Variants in PRDM11 observed in about 807,000 individuals in gnomAD.
PRDM11 encodes the protein PR/SET domain 11.
PRDM11 carries 20 observed loss-of-function variants against 97.8 expected under a neutral mutation model. The observed-to-expected ratio is 0.20, with a 90% confidence interval of 0.14 to 0.30. The LOEUF (loss-of-function observed/expected upper bound fraction) is 0.30. PRDM11 is among the 10% of genes least tolerant of loss of function. The probability of loss-of-function intolerance (pLI) is 1.00; values close to 1 mark genes in which losing one functional copy is unlikely to be tolerated. For synonymous variants in PRDM11, 599 were observed against 637.7 expected (o/e 0.94, Z 0.91); for missense variants, 1,139 against 1,555.2 (o/e 0.73, Z 4.50).
intron 1 of PRDM11, among the ~76,000 whole-genome samples, chr11:45,123,620 G>T (rs914505191): frequency 6.6e-6 from 1 of 151,918 alleles, no homozygotes; most frequent in Non-Finnish European, 1.5e-5. Flanking sequence ...CCCATTGCTT[G>T]TTTTTGTCAG....
intron 1 of PRDM11, among the ~76,000 whole-genome samples, chr11:45,115,818 T>C (rs1452425192): frequency 6.6e-6 from 1 of 151,350 alleles, no homozygotes; most frequent in Admixed American, 6.6e-5. Flanking sequence ...TAATTCCAGC[T>C]ACTTGGGAGG....
chr11:45,119,640 AAAAAAAAAAC>A (rs1022173058), intron 1 of PRDM11, among the ~76,000 whole-genome samples: 3 of 146,822 alleles, frequency 2.0e-5, no homozygotes, highest in African/African-American at 7.5e-5. Context: ...AAAAAAAAAA[AAAAAAAAAAC>A]ACCTGGTAAG....
At chr11:45,213,150 A>G (rs778544095) in intron 5 of PRDM11, 1 of 456,666 alleles carries the variant, frequency 2.2e-6, no homozygotes, top group South Asian at 1.5e-5. Flanking sequence ...CCCTTGTAGG[A>G]CACTGGGGGC....
intron 1 of PRDM11, among the ~76,000 whole-genome samples, chr11:45,170,382 G>C (rs1590401907): frequency 6.6e-6 from 1 of 152,080 alleles, no homozygotes; most frequent in East Asian, 1.9e-4. Context: ...AGGAGTGGTA[G>C]CAAGCATCAG....
At chr11:45,173,491 G>A (rs1035124375) in intron 1 of PRDM11, among the ~76,000 whole-genome samples, 5 of 151,872 alleles carry the variant, frequency 3.3e-5, no homozygotes, top group Non-Finnish European at 5.9e-5. Context: ...GCGTGGTGGC[G>A]CACGGCTGTA....
chr11:45,122,234 CACAG>C (rs1273338477), intron 1 of PRDM11, among the ~76,000 whole-genome samples: 1 of 139,258 alleles, frequency 7.2e-6, no homozygotes, highest in Non-Finnish European at 1.6e-5. Context: ...CACACACACA[CACAG>C]AGAGAAACAG....
rs532976446 is a variant in PRDM11 at position 45,176,028 on chromosome 11, A to G, written c.-6-5733A>G. 2.0e-5 allele frequency among the ~76,000 whole-genome samples: 3 copies of G among 152,110 alleles called. No individual in the cohort carries two copies. In the East Asian group the frequency reaches 5.8e-4, roughly 29 times the overall value. ...ATTGAGGTAAGCATCTTCAGAGCAT[A>G]TATTTATAAAAAGTATTTATTAGGG... is the stretch of plus-strand genomic sequence containing the variant. On this transcript the variant is annotated intron_variant, in intron 1 of 7. Transcript: ENST00000683152.
At chr11:45,153,571 G>A (rs896060246) in intron 1 of PRDM11, among the ~76,000 whole-genome samples, 1 of 152,248 alleles carries the variant, frequency 6.6e-6, no homozygotes, top group Non-Finnish European at 1.5e-5. Context: ...CCTCTTGCTG[G>A]CGATGGGACA....
intron 1 of PRDM11, among the ~76,000 whole-genome samples, chr11:45,170,320 G>A (rs940264095): frequency 1.3e-5 from 2 of 151,834 alleles, no homozygotes; most frequent in African/African-American, 2.4e-5. Flanking sequence ...TCCAGCCTGG[G>A]TGACAGAACA....
intron 6 of PRDM11, among the ~76,000 whole-genome samples, chr11:45,223,443 T>A (rs1854174214): frequency 1.3e-5 from 2 of 152,206 alleles, no homozygotes; most frequent in Admixed American, 1.3e-4. Context: ...CAAGGAAACG[T>A]CCTTTGAATT....
At chr11:45,138,161 C>G (rs1852913419) in intron 1 of PRDM11, among the ~76,000 whole-genome samples, 1 of 152,118 alleles carries the variant, frequency 6.6e-6, no homozygotes, top group African/African-American at 2.4e-5. Context: ...AAGCCACTGC[C>G]TGAAAGGGAG....
chr11:45,217,812 G>A lies in PRDM11; in HGVS notation c.555-1758G>A, dbSNP rs375282148. Among the ~76,000 whole-genome samples, 17 of 152,310 alleles carry A rather than the reference G, an allele frequency of 1.1e-4. No homozygotes were observed. In the East Asian group the frequency reaches 2.5e-3, roughly 22 times the overall value. Reference sequence around the variant, plus strand: ...TCACCTCATACTGGAATTGGCATTCGTATATTTCTTTTCTTTATATGTGTG... The same window carrying A: ...TCACCTCATACTGGAATTGGCATTCATATATTTCTTTTCTTTATATGTGTG... On this transcript the variant is annotated intron_variant, in intron 5 of 7. Coordinates refer to ENST00000683152, the MANE Select transcript of PRDM11 (RefSeq NM_001384648.1).
intron 6 of PRDM11, among the ~76,000 whole-genome samples, chr11:45,222,487 C>A (rs1483915275): frequency 6.6e-6 from 1 of 152,180 alleles, no homozygotes; most frequent in Non-Finnish European, 1.5e-5. Context: ...GTAAGACATA[C>A]AGGTGGCATT....
Position 45,182,894 on chromosome 11 carries a change from A to G in PRDM11, c.257A>G (p.Glu86Gly). The part of the protein sequence containing the change: ...CESCQEYFVD[E>G]CPNHGPPVFV... ...TCCTGCCAGGAGTACTTCGTGGATGAATGCCCAAACCATGGCCCCCCGGTG... is the reference window on the plus strand; with the variant it reads ...TCCTGCCAGGAGTACTTCGTGGATGGATGCCCAAACCATGGCCCCCCGGTG... The change falls in exon 4 of 8, where the codon GAA becomes GGA. Residue 86 changes from glutamate (E) to glycine (G), a missense_variant. Physicochemically the swap from Glu to Gly is moderately conservative, Grantham distance 98 (BLOSUM62 -2). Around this residue, in one of 2 missense-constraint regions of PRDM11, gnomAD observed 429 missense variants for 510.3 expected, o/e 0.84. Coordinates refer to ENST00000683152, the MANE Select transcript of PRDM11 (RefSeq NM_001384648.1). The G allele has an allele frequency of 6.2e-7, 1 of 1,607,588 alleles. No individual in the cohort carries two copies. The highest frequency in any genetic ancestry group is 1.7e-4 in the Middle Eastern group (1 of 6,018).
At chr11:45,215,202 C>T (rs1355261551) in intron 5 of PRDM11, among the ~76,000 whole-genome samples, 1 of 152,198 alleles carries the variant, frequency 6.6e-6, no homozygotes, top group African/African-American at 2.4e-5. Context: ...CTCTGCCCAC[C>T]TAGATCTGAG....
chr11:45,181,952 T>G, intron 2 of PRDM11, 67 bp downstream of exon 2: 1 of 1,390,778 alleles, frequency 7.2e-7, no homozygotes, highest in Non-Finnish European at 9.9e-7. Context: ...CTCGGTTGGT[T>G]GGGAACCCTG....
At position 45,129,297 on chromosome 11, in the gene PRDM11, A is replaced by G. The variant is rs528197359; in HGVS notation, c.96+33396A>G. On this transcript the variant is annotated intron_variant, in intron 1 of 6. Coordinates refer to the PRDM11 transcript ENST00000530656. ...CATCATCGTACTGAAGATCCTAGCCAGTGCAATATGGCAAGAAAAAAATTG... is the reference window on the plus strand; with the variant it reads ...CATCATCGTACTGAAGATCCTAGCCGGTGCAATATGGCAAGAAAAAAATTG... Among the ~76,000 whole-genome samples, 6 of 152,336 alleles carry G rather than the reference A, an allele frequency of 3.9e-5. No homozygotes were observed. In the South Asian group the frequency reaches 1.0e-3, roughly 26 times the overall value.
intron 1 of PRDM11, among the ~76,000 whole-genome samples, chr11:45,100,447 G>A (rs2135594269): frequency 6.6e-6 from 1 of 152,286 alleles, no homozygotes; most frequent in South Asian, 2.1e-4. Flanking sequence ...AGTCAAGCTG[G>A]GAGCCCAGAT....
At chr11:45,225,510 G>A (rs146185355) in intron 7 of PRDM11, among the ~76,000 whole-genome samples, 3 of 152,316 alleles carry the variant, frequency 2.0e-5, no homozygotes, top group Non-Finnish European at 4.4e-5. Flanking sequence ...GGTGTTTCTT[G>A]TATTCAAAGC....
Sources: allele counts gnomAD v4.1 joint callset (sites outside exome capture counted in the v4.1 genomes callset), GRCh38; gene constraint gnomAD v4.1.1; regional missense constraint gnomAD v4.1.1; transcripts MANE v1.5; gene names NCBI Gene and HGNC (gene_info 2026-07-23, HGNC 2026-07-21).